The following NECAB3 variants were observed in gnomAD, a reference collection of about 807,000 sequenced individuals.
NECAB3 encodes N-terminal EF-hand calcium-binding protein 3.
NECAB3 carries 38 observed loss-of-function variants against 57.2 expected under a neutral mutation model. The observed-to-expected ratio is 0.66, with a 90% CI of 0.51 to 0.87. The LOEUF is 0.87. Among genes scored for constraint, NECAB3 ranks in the 40% least tolerant of loss-of-function variants. NECAB3 has a pLI of 0.00. For synonymous variants in NECAB3, 223 were observed against 222.6 expected (o/e 1.00, Z -0.02); for missense variants, 474 against 527.5 (o/e 0.90, Z 0.99).
At chr20:33,672,185 C>T (rs1226117875) in intron 2 of NECAB3, 6 of 610,796 alleles carry the variant, frequency 9.8e-6, no homozygotes, top group Admixed American at 5.7e-5. Context: ...ATCTCCAGTC[C>T]GTGGCCAAAC....
chr20:33,659,397 G>A (rs1051114951), intron 8 of NECAB3, 100 bp downstream of exon 8: 22 of 1,056,664 alleles, frequency 2.1e-5, no homozygotes, highest in African/African-American at 9.7e-5. Flanking sequence ...GGGCACATGC[G>A]CACTGCAGAG....
intron 5 of NECAB3, chr20:33,662,603 C>A (rs935964467): frequency 1.9e-6 from 2 of 1,045,616 alleles, no homozygotes; most frequent in Non-Finnish European, 2.7e-6. Context: ...GGGAGGAATT[C>A]GAAAATCTCT....
intron 10 of NECAB3, 33 bp downstream of exon 10, chr20:33,658,444 C>T (rs1020963961): frequency 6.2e-7 from 1 of 1,605,510 alleles, no homozygotes; most frequent in South Asian, 1.1e-5. Flanking sequence ...GGGCCACATT[C>T]CATGGTGTTA....
At chr20:33,667,889 G>T in intron 5 of NECAB3, 2 of 1,587,852 alleles carry the variant, frequency 1.3e-6, no homozygotes, top group Non-Finnish European at 1.7e-6. Context: ...TTCCAGCCGG[G>T]CCTGCTGGGC....
At chr20:33,670,539 G>C (rs2017807596) in intron 3 of NECAB3, 145 bp downstream of exon 3, 2 of 565,564 alleles carry the variant, frequency 3.5e-6, no homozygotes, top group Admixed American at 3.4e-5. Flanking sequence ...GGGGTAGGCA[G>C]GCGGGTAAAG....
At chr20:33,673,171 C>T (rs976294249) in intron 1 of NECAB3, among the ~76,000 whole-genome samples, 7 of 152,122 alleles carry the variant, frequency 4.6e-5, no homozygotes, top group Non-Finnish European at 8.8e-5. Flanking sequence ...GACAGGTCCC[C>T]GTCTCTCTTA....
chr20:33,662,447 C>T, intron 5 of NECAB3: 1 of 1,551,824 alleles, frequency 6.4e-7, no homozygotes, highest in Non-Finnish European at 8.7e-7. Context: ...CGTTCCTCAA[C>T]CACCTCACTC....
At chr20:33,663,504 CCGCCTCA>C in intron 5 of NECAB3, 1 of 1,597,176 alleles carries the variant, frequency 6.3e-7, no homozygotes, top group Non-Finnish European at 8.5e-7. Flanking sequence ...GCGCGCTCTC[CCGCCTCA>C]CGCCCCTGTT....
chr20:33,667,466 T>C, intron 5 of NECAB3: 1 of 1,436,722 alleles, frequency 7.0e-7, no homozygotes. Flanking sequence ...GCGGAGCTGC[T>C]GTTCGAGACC....
intron 2 of NECAB3, 102 bp downstream of exon 2, chr20:33,672,296 G>T: frequency 7.1e-7 from 1 of 1,408,556 alleles, no homozygotes; most frequent in Non-Finnish European, 1.0e-6. Context: ...CCCAAGATTT[G>T]TCTCAACTCT....
At chr20:33,668,454 C>G in intron 5 of NECAB3, 1 of 567,060 alleles carries the variant, frequency 1.8e-6, no homozygotes, top group Non-Finnish European at 2.9e-6. Flanking sequence ...TCAGAGAATG[C>G]CAGTCCAGCT....
intron 5 of NECAB3, chr20:33,667,233 GC>G: frequency 5.1e-6 from 2 of 390,158 alleles, no homozygotes; most frequent in South Asian, 1.8e-4. Context: ...CTAGCTTGGT[GC>G]CCAGCTGGGA....
chr20:33,669,970 G>C (rs1228050605), intron 3 of NECAB3, among the ~76,000 whole-genome samples: 1 of 152,252 alleles, frequency 6.6e-6, no homozygotes, highest in Non-Finnish European at 1.5e-5. Flanking sequence ...GCCAGGGGAA[G>C]ATGGATGTGG....
intron 5 of NECAB3, chr20:33,667,092 G>A (rs555036730): frequency 5.7e-6 from 1 of 173,964 alleles, no homozygotes; most frequent in South Asian, 2.0e-4. Flanking sequence ...AGGTGGCGTC[G>A]GTGTCGGGGA....
At chr20:33,669,613 G>T in intron 4 of NECAB3, 74 bp downstream of exon 4, 1 of 1,543,912 alleles carries the variant, frequency 6.5e-7, no homozygotes, top group Non-Finnish European at 8.8e-7. Context: ...CAGGAGACCA[G>T]CAACAGTCCC....
At chr20:33,669,639 T>C in intron 4 of NECAB3, 48 bp downstream of exon 4, 1 of 1,564,510 alleles carries the variant, frequency 6.4e-7, no homozygotes, top group Non-Finnish European at 8.6e-7. Flanking sequence ...ACACGTACCC[T>C]GGGGCCCAGG....
intron 1 of NECAB3, among the ~76,000 whole-genome samples, chr20:33,673,248 G>A (rs1354576870): frequency 6.6e-6 from 1 of 152,176 alleles, no homozygotes; most frequent in African/African-American, 2.4e-5. Flanking sequence ...GGCAAGCAGG[G>A]GTGGGCCAAG....
At position 33,659,900 on chromosome 20, in the gene NECAB3, C is replaced by G. The variant is rs372900295; in HGVS notation, c.628G>C (p.Gly210Arg). The change falls in exon 7 of 12, where the codon GGC (glycine) becomes CGC (arginine). Residue 210 changes from glycine (G) to arginine (R), a missense_variant. Coordinates refer to ENST00000246190, the MANE Select transcript of NECAB3 (RefSeq NM_031232.4). The stretch of plus-strand genomic sequence containing the variant: ...CCAGGCGCACCTGTGTCAGAAGAGC[C>G]GGGGGACCAGGTGGATGACCGGCTG... Reference protein sequence around the residue: ...SVSRSSTWSPGSSDTGRSSEA... With the variant: ...SVSRSSTWSPRSSDTGRSSEA... 9.1e-6 allele frequency: 14 copies of G among 1,546,060 alleles called. No individual in the cohort carries two copies. In the African/African-American group the frequency reaches 1.9e-4, roughly 21 times the overall value.
rs370879169 is a variant in NECAB3 at position 33,659,920 on chromosome 20, C to T, written c.608G>A (p.Arg203Gln). ...AGRRALRSVS[R>Q]SSTWSPGSSD... ...AGAGCCGGGGGACCAGGTGGATGAC[C>T]GGCTGACACTCCTCAGGGCTCGGCG... The change falls in exon 7 of 12, where the codon CGG becomes CAG. Residue 203 changes from arginine (R) to glutamine (Q), a missense_variant. By Grantham distance (43) the Arg-to-Gln change is conservative. Coordinates refer to ENST00000246190, the MANE Select transcript of NECAB3 (RefSeq NM_031232.4). 9.9e-5 allele frequency: 153 copies of T among 1,548,562 alleles called. No individual in the cohort carries two copies. The highest frequency in any genetic ancestry group is 9.5e-5 in the Non-Finnish European group (109 of 1,148,636).
Sources: allele counts gnomAD v4.1 joint callset (sites outside exome capture counted in the v4.1 genomes callset), GRCh38; gene constraint gnomAD v4.1.1; transcripts MANE v1.5; gene names NCBI Gene and HGNC (gene_info 2026-07-23, HGNC 2026-07-21).